The following ALOXE3 variants were observed in gnomAD, a reference collection of about 807,000 sequenced individuals.
The protein encoded by ALOXE3 is arachidonate epidermal lipoxygenase 3.
Under a neutral mutation model 87.5 loss-of-function variants are expected in ALOXE3, and 78 were observed. The observed-to-expected ratio is 0.89, with a 90% CI of 0.74 to 1.08. The LOEUF is 1.08. Ranked by LOEUF, ALOXE3 falls within the 50% of genes least tolerant of loss-of-function variation. ALOXE3 has a pLI of 0.00. For missense variants in ALOXE3, 946 were observed against 912.4 expected (o/e 1.04, Z -0.47); for synonymous variants, 363 against 370.8 (o/e 0.98, Z 0.24).
Position 8,114,948 on chromosome 17 carries a change from G to A in ALOXE3, c.544C>T (p.Gln182Ter). 1 of 1,614,034 alleles carries A rather than the reference G, an allele frequency of 6.2e-7. No homozygotes were observed. Among genetic ancestry groups the A allele is most frequent in the Non-Finnish European group, 8.5e-7 (1 of 1,180,014 alleles). ...ALTKTTTCVD[Q>*]GDSSGNRYLP... ...AGCTTTAATCTTCACCTGTCACCCT[G>A]GTCTACACAAGTTGTCGTCTTTGTC... Residue 182 changes from glutamine (Q) to a stop codon, truncating the protein, a stop_gained, in exon 5 of 16, where the codon CAG (glutamine) becomes TAG (stop). Coordinates refer to ENST00000448843, the MANE Select transcript of ALOXE3 (RefSeq NM_021628.3). LOFTEE classifies it high-confidence loss of function.
At chr17:8,105,874 C>G (rs1402613068) in intron 13 of ALOXE3, among the ~76,000 whole-genome samples, 1 of 138,712 alleles carries the variant, frequency 7.2e-6, no homozygotes, top group African/African-American at 2.7e-5. Flanking sequence ...GTGATCACAC[C>G]ACTGCACTCC....
intron 13 of ALOXE3, among the ~76,000 whole-genome samples, chr17:8,107,885 GAAA>G (rs1567996250): frequency 0.13 from 498 of 3,944 alleles, 126 homozygotes; most frequent in Non-Finnish European, 0.19. Flanking sequence ...AAGAAAGAAA[GAAA>G]GAAAGAAAGA....
In ALOXE3 at chr17:8,096,379, G is replaced by A. The variant is rs1020385497; in HGVS notation, c.*248C>T. The A allele has an allele frequency of 1.8e-5, 9 of 494,944 alleles. No homozygotes were observed. The highest frequency in any genetic ancestry group is 1.0e-4 in the Admixed American group (3 of 28,912). 30.7% of individuals were successfully genotyped at this position (494,944 alleles called of 1,614,324 possible). ...AGAAGTGAAGCGGTTCCTTCCTTTC[G>A]GAGGGGCTATTGTGCATTGGACTTT... On this transcript the variant is annotated 3_prime_UTR_variant, in exon 16 of 16. Coordinates refer to ENST00000448843, the MANE Select transcript of ALOXE3 (RefSeq NM_021628.3).
upstream of ALOXE3, chr17:8,118,831 G>C (rs1980845179): frequency 7.8e-6 from 12 of 1,536,020 alleles, no homozygotes; most frequent in Non-Finnish European, 1.0e-5. Context: ...CGGGAGCCCA[G>C]GTGTCCGGGA....
In ALOXE3 at chr17:8,096,661, T is replaced by C; in HGVS notation, c.2102A>G (p.Asp701Gly). Residue 701 changes from aspartate (D) to glycine (G), a missense_variant, in exon 16 of 16, where the codon GAC (aspartate) becomes GGC (glycine). Asp to Gly is a moderately conservative substitution (Grantham distance 94). Transcript: ENST00000448843. Reference protein sequence around the residue: ...QGLALPYTYLDPPLIENSVSI With the variant: ...QGLALPYTYLGPPLIENSVSI Reference sequence around the variant, plus strand: ...GACGCTGTTCTCAATGAGGGGAGGGTCCAGGTAGGTGTAGGGCAGTGCCAG... The same window carrying C: ...GACGCTGTTCTCAATGAGGGGAGGGCCCAGGTAGGTGTAGGGCAGTGCCAG... The C allele has an allele frequency of 6.7e-7, 1 of 1,502,556 alleles. No homozygotes were observed. Among genetic ancestry groups the C allele is most frequent in the Non-Finnish European group, 9.3e-7 (1 of 1,078,582 alleles). 93.1% of individuals were successfully genotyped at this position (1,502,556 alleles called of 1,614,324 possible).
chr17:8,105,914 CAAAA>C (rs1164518718), intron 13 of ALOXE3, among the ~76,000 whole-genome samples: 74 of 43,170 alleles, frequency 1.7e-3, no homozygotes, highest in African/African-American at 6.2e-3. Flanking sequence ...GACCCCGCCT[CAAAA>C]AAAAAAAAAA....
rs1979698691 is a variant in ALOXE3 at position 8,108,454 on chromosome 17, T to C, written c.1684+14A>G. 5 of 1,611,332 alleles carry C rather than the reference T, an allele frequency of 3.1e-6. No individual in the cohort carries two copies. The highest frequency in any genetic ancestry group is 4.2e-6 in the Non-Finnish European group (5 of 1,178,430). On this transcript the variant is annotated intron_variant, in intron 13 of 15. Coordinates refer to ENST00000448843, the MANE Select transcript of ALOXE3 (RefSeq NM_021628.3). ...CATCAGAGCTACACGGAAAGTGGGA[T>C]AGAGAGGGGATACCTGAGCTTTCCC... is the stretch of plus-strand genomic sequence containing the variant.
chr17:8,111,131 C>A (rs1980040775), intron 8 of ALOXE3, among the ~76,000 whole-genome samples: 1 of 152,228 alleles, frequency 6.6e-6, no homozygotes, highest in Non-Finnish European at 1.5e-5. Context: ...CGCGTTCACA[C>A]CATTTCACCA....
chr17:8,101,243 A>C (rs1978905245), intron 15 of ALOXE3, among the ~76,000 whole-genome samples: 1 of 151,806 alleles, frequency 6.6e-6, no homozygotes, highest in African/African-American at 2.4e-5. Flanking sequence ...GGCCAGGCTG[A>C]TCTCGAACTC....
At chr17:8,107,234 A>C (rs1979382703) in intron 13 of ALOXE3, among the ~76,000 whole-genome samples, 1 of 152,184 alleles carries the variant, frequency 6.6e-6, no homozygotes, top group South Asian at 2.1e-4. Context: ...AAAAACTCCA[A>C]GGCCGGGTGC....
At chr17:8,104,258 C>T (rs1979125499) in intron 13 of ALOXE3, 43 bp from the exon 14 acceptor site, 1 of 1,502,890 alleles carries the variant, frequency 6.7e-7, no homozygotes, top group Non-Finnish European at 9.2e-7. Context: ...ATGGAAGGTA[C>T]TGGATTCCTA....
rs1281996490 is a variant in ALOXE3 at position 8,096,513 on chromosome 17, G to T, written c.*114C>A. Reference sequence around the variant, plus strand: ...GCTGCAAAAGTCTCCATGTGCAGAAGAGAAGGTTCAGGTGAACTGAGAACA... The same window carrying T: ...GCTGCAAAAGTCTCCATGTGCAGAATAGAAGGTTCAGGTGAACTGAGAACA... On this transcript the variant is annotated 3_prime_UTR_variant, in exon 16 of 16. Transcript: ENST00000448843. The T allele has an allele frequency of 3.4e-5, 25 of 745,926 alleles. No homozygotes were observed. Among genetic ancestry groups the T allele is most frequent in the Non-Finnish European group, 5.9e-5 (24 of 403,576 alleles). The allele number at this position is 745,926 out of a possible 1,614,324, so 46.2% of individuals were successfully genotyped here. A position where few individuals can be genotyped will look rare whatever the true frequency, so the allele number is the denominator to read the frequency against.
rs1325314219 is a variant in ALOXE3 at position 8,107,976 on chromosome 17, G to A, written c.1684+492C>T. Among the ~76,000 whole-genome samples, 5 of 15,770 alleles carry A rather than the reference G, an allele frequency of 3.2e-4. 2 individuals carry two copies. Among genetic ancestry groups the A allele is most frequent in the African/African-American group, 1.2e-3 (5 of 4,224 alleles). 10.3% of individuals were successfully genotyped at this position (15,770 alleles called of 152,430 possible). ...AAGAAAGAAAGGAAGGAGAGAGAGAGAGAGAGAAAGAAAGAAAGGAAGGAA... is the reference window on the plus strand; with the variant it reads ...AAGAAAGAAAGGAAGGAGAGAGAGAAAGAGAGAAAGAAAGAAAGGAAGGAA... On this transcript the variant is annotated intron_variant, in intron 13 of 15. Transcript: ENST00000448843.
upstream of ALOXE3, chr17:8,118,883 C>T (rs3027233): frequency 0.025 from 37,511 of 1,497,066 alleles, 2,555 homozygotes; most frequent in East Asian, 0.24. Flanking sequence ...TCAGAGAAGC[C>T]CATAGCCCGC....
intron 15 of ALOXE3, 119 bp downstream of exon 15, chr17:8,103,204 G>A: frequency 1.7e-6 from 2 of 1,183,520 alleles, no homozygotes; most frequent in African/African-American, 1.5e-5. Context: ...AGAACCCAAG[G>A]CAGTTCTGCA....
intron 13 of ALOXE3, 138 bp from the exon 14 acceptor site, chr17:8,104,353 T>G: frequency 1.5e-6 from 1 of 686,044 alleles, no homozygotes; most frequent in South Asian, 1.5e-5. Context: ...TCGGGCTGGT[T>G]AGGGATGGCC....
chr17:8,115,140 A>T, intron 4 of ALOXE3, 83 bp from the exon 5 acceptor site: 1 of 1,540,520 alleles, frequency 6.5e-7, no homozygotes, highest in African/African-American at 1.4e-5. Flanking sequence ...GCTTCAGATT[A>T]AAACTTCAAA....
At chr17:8,117,148 G>C (rs571277983) in intron 2 of ALOXE3, among the ~76,000 whole-genome samples, 168 bp from the exon 3 acceptor site, 1 of 152,264 alleles carries the variant, frequency 6.6e-6, no homozygotes, top group Non-Finnish European at 1.5e-5. Flanking sequence ...CCCGGGCCGG[G>C]AGAGGTGGCT....
rs1178563388 is a variant in ALOXE3, at chr17:8,103,513, A to T, written c.1786-20T>A. 6.2e-7 allele frequency: 1 copy of T among 1,613,120 alleles called. No homozygotes were observed. The highest frequency in any genetic ancestry group is 1.1e-5 in the South Asian group (1 of 90,962). ...GTCATGCTGTGGAGACCCCCATCCC[A>T]GTTGGGTCAGTTGGCCAGAAGGGGA... On this transcript the variant is annotated intron_variant, in intron 14 of 15. Transcript: ENST00000448843.
Sources: gnomAD v4.1 joint callset for allele counts (sites outside exome capture counted in the v4.1 genomes callset) on GRCh38, gnomAD v4.1.1 for gene constraint, MANE v1.5 for transcripts, NCBI Gene and HGNC (gene_info 2026-07-23, HGNC 2026-07-21) for gene names.